Variants in CSMD1 observed in about 807,000 individuals in gnomAD.
CSMD1 encodes the protein CUB and sushi domain-containing protein 1.
CSMD1 carries 213 observed loss-of-function variants against 417.5 expected under a neutral mutation model. The observed-to-expected ratio is 0.51, with a 90% CI of 0.46 to 0.57. The LOEUF is 0.57. Ranked by LOEUF, CSMD1 falls within the 20% of genes least tolerant of loss-of-function variation. CSMD1 has a pLI of 0.00. For missense variants in CSMD1, 6,923 were observed against 4,529.7 expected (o/e 1.53, Z -15.17); for synonymous variants, 2,862 against 1,736.8 (o/e 1.65, Z -16.11).
chr8:4,381,067 T>G (rs1803072258), intron 3 of CSMD1, among the ~76,000 whole-genome samples: 1 of 152,158 alleles, frequency 6.6e-6, no homozygotes, highest in South Asian at 2.1e-4. Flanking sequence ...TGGGTTATAT[T>G]AGGTTGGTTC....
rs1339154934 is a variant in CSMD1, at chr8:3,576,385, T to G, written c.1223-1319A>C. On this transcript the variant is annotated intron_variant, in intron 9 of 69. Coordinates refer to ENST00000635120, the MANE Select transcript of CSMD1 (RefSeq NM_033225.6). ...ATCTGAGATCTCTCCTAAATGGTTA[T>G]GCATTCCCTGACCTTAGGAACTGTC... Among the ~76,000 whole-genome samples, 5 of 152,092 alleles carry G rather than the reference T, an allele frequency of 3.3e-5. No homozygotes were observed. The South Asian group carries it at 1.0e-3, about 31-fold the overall frequency.
rs897444785 is a variant in CSMD1 at position 3,994,159 on chromosome 8, T to C, written c.818+3744A>G. 8.5e-5 allele frequency among the ~76,000 whole-genome samples: 13 copies of C among 152,280 alleles called. No individual in the cohort carries two copies. The East Asian group carries it at 2.5e-3, about 30-fold the overall frequency. On this transcript the variant is annotated intron_variant, in intron 5 of 69. Coordinates refer to ENST00000635120, the MANE Select transcript of CSMD1 (RefSeq NM_033225.6). ...ATTTATATTTGTTTTGGGACACATT[T>C]TCAATGCATTTATTTTTATTTTCTT...
chr8:4,169,318 G>T (rs1358651482), intron 3 of CSMD1, among the ~76,000 whole-genome samples: 1 of 152,094 alleles, frequency 6.6e-6, no homozygotes, highest in Non-Finnish European at 1.5e-5. Context: ...TCTAAAGCTG[G>T]TCCCTCCCAT....
At chr8:4,377,898 C>G (rs912778389) in intron 3 of CSMD1, among the ~76,000 whole-genome samples, 4 of 152,196 alleles carry the variant, frequency 2.6e-5, no homozygotes, top group African/African-American at 4.8e-5. Flanking sequence ...GTATGGATTA[C>G]TTTGTATAGT....
chr8:4,359,359 T>C (rs1801619928), intron 3 of CSMD1, among the ~76,000 whole-genome samples: 1 of 152,248 alleles, frequency 6.6e-6, no homozygotes, highest in Admixed American at 6.5e-5. Context: ...ACTATAATTA[T>C]CTACAGAAAT....
At chr8:3,435,928 C>G (rs556555231) in intron 12 of CSMD1, among the ~76,000 whole-genome samples, 1 of 152,334 alleles carries the variant, frequency 6.6e-6, no homozygotes, top group Non-Finnish European at 1.5e-5. Flanking sequence ...TTAGTCTGGT[C>G]TTCCTGCAAT....
intron 23 of CSMD1, among the ~76,000 whole-genome samples, chr8:3,310,231 T>C (rs887137206): frequency 2.0e-5 from 3 of 152,034 alleles, no homozygotes; most frequent in African/African-American, 7.3e-5. Flanking sequence ...ACATTCAATA[T>C]CATGTATGAC....
intron 3 of CSMD1, among the ~76,000 whole-genome samples, chr8:4,408,863 C>T (rs554324541): frequency 1.4e-4 from 21 of 152,242 alleles, no homozygotes; most frequent in Admixed American, 4.6e-4. Flanking sequence ...AATATACTTA[C>T]GTTTAGAAAC....
chr8:4,012,542 C>A (rs763394795), intron 4 of CSMD1, among the ~76,000 whole-genome samples: 1 of 152,130 alleles, frequency 6.6e-6, no homozygotes, highest in Non-Finnish European at 1.5e-5. Flanking sequence ...GTGATCACAG[C>A]ACCTGGCAGG....
chr8:4,795,639 G>T (rs1468352810), intron 1 of CSMD1, among the ~76,000 whole-genome samples: 1 of 151,812 alleles, frequency 6.6e-6, no homozygotes, highest in South Asian at 2.1e-4. Flanking sequence ...CCTCAGAAAG[G>T]AATTTCTAGG....
intron 18 of CSMD1, among the ~76,000 whole-genome samples, chr8:3,373,116 T>G (rs531901498): frequency 7.2e-5 from 11 of 152,356 alleles, no homozygotes; most frequent in African/African-American, 1.2e-4. Context: ...TCCCAAAATC[T>G]GCATGTTATA....
intron 3 of CSMD1, among the ~76,000 whole-genome samples, chr8:4,072,557 T>G (rs1255673055): frequency 6.6e-6 from 1 of 152,190 alleles, no homozygotes; most frequent in Non-Finnish European, 1.5e-5. Context: ...TTGTGCATAT[T>G]TTCATATATA....
rs564119759 is a variant in CSMD1, at chr8:4,121,201, G to A, written c.416-89102C>T. On this transcript the variant is annotated intron_variant, in intron 3 of 69. Transcript: ENST00000635120. ...ACGATCTTAGCTCACAGCAACCTCTGCCTCTCGGGTTCAAGCAATTCTCCT... is the reference window on the plus strand; with the variant it reads ...ACGATCTTAGCTCACAGCAACCTCTACCTCTCGGGTTCAAGCAATTCTCCT... 2.0e-5 allele frequency among the ~76,000 whole-genome samples: 3 copies of A among 152,182 alleles called. No individual in the cohort carries two copies. In the South Asian group the frequency reaches 6.2e-4, roughly 32 times the overall value.
chr8:4,312,501 C>A (rs184791088), intron 3 of CSMD1, among the ~76,000 whole-genome samples: 1 of 144,068 alleles, frequency 6.9e-6, no homozygotes, highest in East Asian at 1.9e-4. Flanking sequence ...CTCTATGTTT[C>A]CAGTTTTATT....
intron 1 of CSMD1, among the ~76,000 whole-genome samples, chr8:4,917,130 G>A (rs1443135028): frequency 6.6e-6 from 1 of 152,172 alleles, no homozygotes; most frequent in Admixed American, 6.5e-5. Context: ...ATGGTGGAAG[G>A]GAAAGGGAAA....
chr8:4,048,589 T>A (rs1585204276), intron 3 of CSMD1, among the ~76,000 whole-genome samples: 1 of 152,170 alleles, frequency 6.6e-6, no homozygotes, highest in Non-Finnish European at 1.5e-5. Flanking sequence ...GGCTCCAGAG[T>A]TTGTATACAA....
At chr8:3,444,953 G>C (rs28582416) in intron 12 of CSMD1, among the ~76,000 whole-genome samples, 13,620 of 152,158 alleles carry the variant, frequency 0.09, 689 homozygotes, top group Middle Eastern at 0.14. Context: ...AACACCACTA[G>C]CTATGAAGTC....
chr8:3,461,681 G>A (rs114131274), intron 12 of CSMD1, among the ~76,000 whole-genome samples: 2 of 152,220 alleles, frequency 1.3e-5, no homozygotes, highest in African/African-American at 4.8e-5. Context: ...AGTAATGGAA[G>A]CAGCCATCAT....
At chr8:4,703,438 T>C (rs1807714909) in intron 1 of CSMD1, among the ~76,000 whole-genome samples, 1 of 152,212 alleles carries the variant, frequency 6.6e-6, no homozygotes, top group Non-Finnish European at 1.5e-5. Flanking sequence ...AGAACATGCA[T>C]GAATAGCCTA....
Sources: gnomAD v4.1 joint callset for allele counts (sites outside exome capture counted in the v4.1 genomes callset) on GRCh38, gnomAD v4.1.1 for gene constraint, MANE v1.5 for transcripts, NCBI Gene and HGNC (gene_info 2026-07-23, HGNC 2026-07-21) for gene names.